The following PKIA variants were observed in gnomAD, a reference collection of about 807,000 sequenced individuals.
The protein encoded by PKIA is PKI-alpha.
Under a neutral mutation model 7.6 loss-of-function variants are expected in PKIA, and 4 were observed. The ratio of observed to expected loss-of-function variants is 0.52; its 90% CI spans 0.26 to 1.20. PKIA has a LOEUF of 1.20. Among genes scored for constraint, PKIA ranks in the 50% most tolerant of loss-of-function variants. PKIA has a pLI of 0.13. For synonymous variants in PKIA, 21 were observed against 30.7 expected (o/e 0.68, Z 1.04); for missense variants, 73 against 86.2 (o/e 0.85, Z 0.61).
intron 2 of PKIA, among the ~76,000 whole-genome samples, chr8:78,584,688 A>C (rs1424425423): frequency 2.0e-5 from 3 of 152,160 alleles, no homozygotes; most frequent in Non-Finnish European, 4.4e-5. Context: ...TTGTACCACA[A>C]GGTAATAGGT....
chr8:78,579,420 T>C (rs1014731197), intron 2 of PKIA, among the ~76,000 whole-genome samples: 4 of 151,988 alleles, frequency 2.6e-5, no homozygotes, highest in Non-Finnish European at 5.9e-5. Context: ...TCCAAACTCA[T>C]TTACCACTTT....
chr8:78,566,085 T>C (rs761113267), intron 1 of PKIA, among the ~76,000 whole-genome samples: 11 of 152,092 alleles, frequency 7.2e-5, no homozygotes, highest in South Asian at 2.1e-4. Context: ...AACTCACTTA[T>C]GTGCTGAAAG....
chr8:78,544,727 TAAC>T (rs1439491489), intron 1 of PKIA, among the ~76,000 whole-genome samples: 1 of 152,172 alleles, frequency 6.6e-6, no homozygotes, highest in African/African-American at 2.4e-5. Context: ...GTACAGAAGA[TAAC>T]AACAGAGAGT....
At chr8:78,529,089 G>C (rs55939440) in intron 1 of PKIA, among the ~76,000 whole-genome samples, 1 of 152,040 alleles carries the variant, frequency 6.6e-6, no homozygotes, top group African/African-American at 2.4e-5. Flanking sequence ...CCATGGTTCA[G>C]AGTGTCTGCC....
chr8:78,537,305 A>G (rs1039604192), intron 1 of PKIA, among the ~76,000 whole-genome samples: 1 of 151,950 alleles, frequency 6.6e-6, no homozygotes, highest in Non-Finnish European at 1.5e-5. Flanking sequence ...ATAGCTATAA[A>G]CTTTTAGCAA....
At chr8:78,565,642 C>G (rs1330448697) in intron 1 of PKIA, among the ~76,000 whole-genome samples, 2 of 151,862 alleles carry the variant, frequency 1.3e-5, no homozygotes, top group East Asian at 1.9e-4. Flanking sequence ...ATTGAAGTTT[C>G]TCTCTCCCTC....
At chr8:78,526,599 A>G (rs1806237823) in intron 1 of PKIA, among the ~76,000 whole-genome samples, 1 of 152,074 alleles carries the variant, frequency 6.6e-6, no homozygotes, top group Admixed American at 6.6e-5. Context: ...GTCCAAAAAC[A>G]AAAATTAAAC....
At chr8:78,556,283 C>T (rs918181060) in intron 1 of PKIA, among the ~76,000 whole-genome samples, 5 of 151,884 alleles carry the variant, frequency 3.3e-5, no homozygotes, top group South Asian at 2.1e-4. Flanking sequence ...ATTCTTGTTA[C>T]GATCAGGGAA....
At chr8:78,595,906 G>T (rs1158375666) in intron 2 of PKIA, among the ~76,000 whole-genome samples, 1 of 152,038 alleles carries the variant, frequency 6.6e-6, no homozygotes, top group Non-Finnish European at 1.5e-5. Flanking sequence ...GTGATTGCTG[G>T]GTCTAATGGT....
At position 78,602,109 on chromosome 8, in the gene PKIA, C is replaced by T. The variant is rs988403278; in HGVS notation, c.*288C>T. 3.0e-6 allele frequency: 1 copy of T among 330,788 alleles called. No individual in the cohort carries two copies. The allele number at this position is 330,788 out of a possible 1,614,324, so 20.5% of individuals were successfully genotyped here. ...ATGACGAAATGCTTATAGAGAGTAG[C>T]TCCGACCTAGATGATGATTCTTCCT... On this transcript the variant is annotated 3_prime_UTR_variant, in exon 4 of 4. Coordinates refer to ENST00000396418, the MANE Select transcript of PKIA (RefSeq NM_006823.4).
intron 1 of PKIA, among the ~76,000 whole-genome samples, chr8:78,536,855 AACATACAC>A (rs1213416958): frequency 8.3e-6 from 1 of 121,052 alleles, no homozygotes; most frequent in Non-Finnish European, 1.8e-5. Flanking sequence ...GTAGCTAGAA[AACATACAC>A]ACACACACAC....
At chr8:78,594,192 G>A (rs1176345882) in intron 2 of PKIA, among the ~76,000 whole-genome samples, 1 of 152,124 alleles carries the variant, frequency 6.6e-6, no homozygotes, top group African/African-American at 2.4e-5. Context: ...AAGAGAAGAT[G>A]GTGTTTGACT....
At chr8:78,520,254 TAATA>T (rs1015556494) in intron 1 of PKIA, among the ~76,000 whole-genome samples, 7 of 152,308 alleles carry the variant, frequency 4.6e-5, no homozygotes, top group African/African-American at 1.7e-4. Flanking sequence ...ATTATAGTAA[TAATA>T]AATATACTGA....
At chr8:78,588,286 G>A (rs1469522131) in intron 2 of PKIA, among the ~76,000 whole-genome samples, 1 of 151,946 alleles carries the variant, frequency 6.6e-6, no homozygotes, top group African/African-American at 2.4e-5. Flanking sequence ...TTTGAGGCCA[G>A]CCTGACCAAC....
At chr8:78,549,334 G>A (rs1806919016) in intron 1 of PKIA, among the ~76,000 whole-genome samples, 1 of 151,942 alleles carries the variant, frequency 6.6e-6, no homozygotes, top group Admixed American at 6.6e-5. Flanking sequence ...TAGCAGATAT[G>A]CACACTAAAA....
intron 1 of PKIA, among the ~76,000 whole-genome samples, chr8:78,560,896 G>A (rs1057470645): frequency 5.9e-5 from 9 of 152,156 alleles, no homozygotes; most frequent in Non-Finnish European, 8.8e-5. Flanking sequence ...GATTAAGAAT[G>A]TTACCTAATT....
chr8:78,597,981 A>G (rs1349832168), intron 2 of PKIA, among the ~76,000 whole-genome samples: 1 of 151,720 alleles, frequency 6.6e-6, no homozygotes, highest in Admixed American at 6.6e-5. Context: ...GCACGTTCTC[A>G]CGTATAAGTG....
At position 78,602,718 on chromosome 8, in the gene PKIA, A is replaced by AT. The variant is rs1808381705; in HGVS notation, c.*897_*898insT. On this transcript the variant is annotated 3_prime_UTR_variant, in exon 4 of 4. Transcript: ENST00000396418. ...TAATATATATATATATATATATTTT[A>AT]ATTTATGAGAATTTTGGACAATTGG... The AT allele has an allele frequency of 7.8e-6, 1 of 128,418 alleles. No homozygotes were observed. The highest frequency in any genetic ancestry group is 1.7e-5 in the Non-Finnish European group (1 of 60,034). 8.0% of individuals were successfully genotyped at this position (128,418 alleles called of 1,614,324 possible). A position where few individuals can be genotyped will look rare whatever the true frequency, so the allele number is the denominator to read the frequency against.
At chr8:78,580,174 T>C in intron 2 of PKIA, among the ~76,000 whole-genome samples, 1 of 152,172 alleles carries the variant, frequency 6.6e-6, no homozygotes, top group Middle Eastern at 3.4e-3. Flanking sequence ...ATAAATATTA[T>C]AAATTTTGTC....
Sources: gnomAD v4.1 joint callset for allele counts (sites outside exome capture counted in the v4.1 genomes callset) on GRCh38, gnomAD v4.1.1 for gene constraint, MANE v1.5 for transcripts, NCBI Gene and HGNC (gene_info 2026-07-23, HGNC 2026-07-21) for gene names.